Variants in TYW1 observed in about 807,000 individuals in gnomAD.
TYW1 encodes the protein tRNA-yW synthesizing protein 1 homolog.
Under a neutral mutation model 96.2 loss-of-function variants are expected in TYW1, and 46 were observed. That is an observed-to-expected ratio of 0.48 (90% confidence interval 0.38 to 0.61). The LOEUF is 0.61. Ranked by LOEUF, TYW1 falls within the 20% of genes least tolerant of loss-of-function variation. The pLI, the probability that TYW1 is intolerant of heterozygous loss-of-function variation, is 0.00. For synonymous variants in TYW1, 274 were observed against 323.0 expected, an observed-to-expected ratio of 0.85 and a Z score of 1.63; for missense variants, 684 against 909.6, an observed-to-expected ratio of 0.75 and a Z score of 3.19.
At chr7:67,113,947 A>ATTCT (rs1797510360) in intron 12 of TYW1, among the ~76,000 whole-genome samples, 1 of 151,990 alleles carries the variant, frequency 6.6e-6, no homozygotes, top group Non-Finnish European at 1.5e-5. Flanking sequence ...CATGATGCTT[A>ATTCT]TTCTTTATAG....
intron 15 of TYW1, among the ~76,000 whole-genome samples, chr7:67,222,589 C>T (rs1801428813): frequency 6.6e-6 from 1 of 152,136 alleles, no homozygotes; most frequent in African/African-American, 2.4e-5. Flanking sequence ...AGTCACTGCT[C>T]TCTTGCTGCT....
Position 67,218,020 on chromosome 7 carries a change from G to A in TYW1, c.1978-20288G>A, listed in dbSNP as rs576413891. ...ATTACAGGCACCTGCCACCATGCCC[G>A]TCTAATTTTTGTGTTTTTAGTAGAG... On this transcript the variant is annotated intron_variant, in intron 15 of 15. Coordinates refer to ENST00000359626, the MANE Select transcript of TYW1 (RefSeq NM_018264.4). Among the ~76,000 whole-genome samples, 589 of 151,548 alleles carry A rather than the reference G, an allele frequency of 3.9e-3. 6 individuals carry two copies. Among genetic ancestry groups the A allele is most frequent in the African/African-American group, 0.012 (507 of 41,394 alleles).
chr7:67,223,549 G>A (rs1289982608), intron 15 of TYW1, among the ~76,000 whole-genome samples: 72 of 151,372 alleles, frequency 4.8e-4, no homozygotes, highest in Non-Finnish European at 4.1e-4. Context: ...AAGTGAAAGA[G>A]TAGGGATGGG....
intron 13 of TYW1, among the ~76,000 whole-genome samples, chr7:67,126,233 A>G (rs765758382): frequency 6.7e-6 from 1 of 149,378 alleles, no homozygotes; most frequent in Non-Finnish European, 1.5e-5. Context: ...TCCCCTGATG[A>G]CAGGTGATGT....
intron 13 of TYW1, among the ~76,000 whole-genome samples, chr7:67,137,736 A>T (rs1330748195): frequency 2.2e-5 from 3 of 136,744 alleles, no homozygotes; most frequent in Non-Finnish European, 4.7e-5. Context: ...AGACCTAATT[A>T]AAAAAAAATT....
intron 3 of TYW1, among the ~76,000 whole-genome samples, chr7:67,002,862 T>TC (rs1447639435): frequency 1.4e-5 from 2 of 148,114 alleles, no homozygotes; most frequent in East Asian, 1.9e-4. Flanking sequence ...TTTTCTTTTT[T>TC]TTTTTTTTTG....
chr7:67,111,476 C>T (rs1254198120), intron 12 of TYW1, among the ~76,000 whole-genome samples: 1 of 152,142 alleles, frequency 6.6e-6, no homozygotes, highest in East Asian at 1.9e-4. Context: ...GGTGGGATTA[C>T]AGGCGTGAGC....
chr7:67,100,573 G>A (rs530618205), intron 12 of TYW1, among the ~76,000 whole-genome samples: 17 of 152,236 alleles, frequency 1.1e-4, no homozygotes, highest in African/African-American at 2.4e-4. Context: ...GGGGCAGGGC[G>A]TGGTGACTCA....
intron 13 of TYW1, among the ~76,000 whole-genome samples, chr7:67,173,269 G>A (rs1799569994): frequency 1.3e-5 from 2 of 152,050 alleles, no homozygotes; most frequent in South Asian, 2.1e-4. Context: ...CTCCAATCCT[G>A]TTTCCCTTTC....
chr7:67,098,955 AT>A (rs35912481), intron 12 of TYW1, among the ~76,000 whole-genome samples: 6,050 of 150,518 alleles, frequency 0.04, 177 homozygotes, highest in Middle Eastern at 0.1. Flanking sequence ...AAGAGAATGA[AT>A]TTTTTTTTTC....
At chr7:67,088,339 T>A (rs1033060657) in intron 11 of TYW1, among the ~76,000 whole-genome samples, 1 of 151,872 alleles carries the variant, frequency 6.6e-6, no homozygotes, top group Admixed American at 6.6e-5. Context: ...TGCTGTAAAA[T>A]TATGATAATA....
intron 7 of TYW1, among the ~76,000 whole-genome samples, chr7:67,027,485 T>C (rs1242170310): frequency 6.6e-6 from 1 of 152,142 alleles, no homozygotes; most frequent in Non-Finnish European, 1.5e-5. Flanking sequence ...ATTCAAAATC[T>C]AGAAGCAATA....
intron 12 of TYW1, among the ~76,000 whole-genome samples, chr7:67,106,469 T>C (rs1438602300): frequency 6.6e-6 from 1 of 152,116 alleles, no homozygotes; most frequent in South Asian, 2.1e-4. Flanking sequence ...TGACGACACC[T>C]TGTAAAAGCA....
At chr7:67,005,292 A>C (rs1793535584) in intron 3 of TYW1, among the ~76,000 whole-genome samples, 1 of 152,124 alleles carries the variant, frequency 6.6e-6, no homozygotes, top group African/African-American at 2.4e-5. Flanking sequence ...GCATTAAATA[A>C]ACCTTTTTAA....
At chr7:67,135,302 G>GTTTTTTTTTTTTTTTT (rs869257148) in intron 13 of TYW1, among the ~76,000 whole-genome samples, 1 of 111,816 alleles carries the variant, frequency 8.9e-6, no homozygotes, top group Non-Finnish European at 1.7e-5. Flanking sequence ...TGTTAAAACA[G>GTTTTTTTTTTTTTTTT]TTTTTTTTTT....
At chr7:67,145,677 A>G (rs1489715225) in intron 13 of TYW1, among the ~76,000 whole-genome samples, 3 of 152,106 alleles carry the variant, frequency 2.0e-5, no homozygotes, top group African/African-American at 7.2e-5. Flanking sequence ...TTTTTTCTGA[A>G]TGCCTTCCTG....
At chr7:67,123,017 A>G (rs1024131873) in intron 13 of TYW1, among the ~76,000 whole-genome samples, 1 of 152,160 alleles carries the variant, frequency 6.6e-6, no homozygotes, top group African/African-American at 2.4e-5. Flanking sequence ...CCTTTATCCT[A>G]GAGTTTCTTG....
At position 66,998,798 on chromosome 7, in the gene TYW1, G is replaced by A. The variant is rs763241549; in HGVS notation, c.136-19G>A. On this transcript the variant is annotated intron_variant, in intron 2 of 15. Transcript: ENST00000359626. The stretch of plus-strand genomic sequence containing the variant: ...ACGATTTAGACTTGATGGATTTTGT[G>A]TAATTATTTGTCTTCAAGGGCAAGA... The A allele has an allele frequency of 1.2e-6, 2 of 1,613,038 alleles. No homozygotes were observed. The highest frequency in any genetic ancestry group is 1.7e-6 in the Non-Finnish European group (2 of 1,179,612).
intron 15 of TYW1, among the ~76,000 whole-genome samples, chr7:67,201,975 C>G (rs1426607493): frequency 6.6e-6 from 1 of 152,214 alleles, no homozygotes; most frequent in Non-Finnish European, 1.5e-5. Context: ...TCCAGTGTCA[C>G]TGCGTTCCTC....
Sources: allele counts gnomAD v4.1 joint callset (sites outside exome capture counted in the v4.1 genomes callset), GRCh38; gene constraint gnomAD v4.1.1; transcripts MANE v1.5; gene names NCBI Gene and HGNC (gene_info 2026-07-23, HGNC 2026-07-21).